The following LRIG2 variants were observed in gnomAD, a reference collection of about 807,000 sequenced individuals.
LRIG2 encodes the protein leucine rich repeats and immunoglobulin like domains 2, also known as leucine-rich repeats and immunoglobulin-like domains protein 2.
Under a neutral mutation model 107.8 loss-of-function variants are expected in LRIG2, and 93 were observed. The ratio of observed to expected loss-of-function variants is 0.86; its 90% CI spans 0.73 to 1.03. LRIG2 has a LOEUF of 1.03. LRIG2 is among the 50% of genes least tolerant of loss of function. The pLI is 0.00. For missense variants in LRIG2, 1,226 were observed against 1,296.0 expected (o/e 0.95, Z 0.83); for synonymous variants, 471 against 470.6 (o/e 1.00, Z -0.01).
intron 1 of LRIG2, among the ~76,000 whole-genome samples, chr1:113,077,222 G>A (rs1403498968): frequency 1.3e-5 from 2 of 151,156 alleles, no homozygotes; most frequent in Non-Finnish European, 2.9e-5. Flanking sequence ...TCGGCTCACT[G>A]CAACCTCTGT....
At chr1:113,091,426 G>A in intron 2 of LRIG2, 43 bp downstream of exon 2, 1 of 1,263,894 alleles carries the variant, frequency 7.9e-7, no homozygotes, top group Non-Finnish European at 1.1e-6. Flanking sequence ...AAATTCCTGA[G>A]GGAACTTAAT....
rs138597067 is a variant in LRIG2 at position 113,100,578 on chromosome 1, C to A, written c.1313+90C>A. The A allele has an allele frequency of 1.3e-4, 90 of 711,938 alleles. No individual in the cohort carries two copies. The African/African-American group carries it at 1.4e-3, about 11-fold the overall frequency. 44.1% of individuals were successfully genotyped at this position (711,938 alleles called of 1,614,324 possible). ...GTGATGGGAGTGACCCAAGTTATTT[C>A]CAAAAGCACACAGTTCAGGCAGGAA... On this transcript the variant is annotated intron_variant, in intron 11 of 17. Transcript: ENST00000361127.
chr1:113,119,146 A>G (rs1655135092), intron 16 of LRIG2, 87 bp from the exon 17 acceptor site: 2 of 1,268,506 alleles, frequency 1.6e-6, no homozygotes, highest in Non-Finnish European at 2.2e-6. Context: ...GCTAGCAATG[A>G]TGATGACAAC....
rs1260781707 is a variant in LRIG2 at position 113,112,833 on chromosome 1, GAAAAATAA to G, written c.2080+74_2080+81del. The G allele has an allele frequency of 2.6e-5, 36 of 1,403,710 alleles. No individual in the cohort carries two copies. In the African/African-American group the frequency reaches 4.6e-4, roughly 18 times the overall value. 87.0% of individuals were successfully genotyped at this position (1,403,710 alleles called of 1,614,324 possible). On this transcript the variant is annotated intron_variant, in intron 14 of 17. Coordinates refer to ENST00000361127, the MANE Select transcript of LRIG2 (RefSeq NM_014813.3). ...AGCTACTCTTGGTCTTAATGAGCAAGAAAAATAAGTTTGAGATTACCTCTGTGATTCTT... is the reference window on the plus strand; with the variant it reads ...AGCTACTCTTGGTCTTAATGAGCAAGGTTTGAGATTACCTCTGTGATTCTT...
chr1:113,077,269 C>G (rs1013930062), intron 1 of LRIG2, among the ~76,000 whole-genome samples: 1 of 151,886 alleles, frequency 6.6e-6, no homozygotes, highest in Admixed American at 6.6e-5. Context: ...CTCAGCTTCC[C>G]GAGTAGGGAT....
chr1:113,093,579 T>G lies in LRIG2; in HGVS notation c.515+15T>G, dbSNP rs1227474819. ...CTTAAATACCTGTAAGTAACACAGATTAAATTAGATTTACTTTAAAGCACA... is the reference window on the plus strand; with the variant it reads ...CTTAAATACCTGTAAGTAACACAGAGTAAATTAGATTTACTTTAAAGCACA... On this transcript the variant is annotated intron_variant, in intron 4 of 17. Transcript: ENST00000361127. 1 of 1,530,238 alleles carries G rather than the reference T, an allele frequency of 6.5e-7. No individual in the cohort carries two copies. Among genetic ancestry groups the G allele is most frequent in the Non-Finnish European group, 8.8e-7 (1 of 1,130,268 alleles). 94.8% of individuals were successfully genotyped at this position (1,530,238 alleles called of 1,614,324 possible).
chr1:113,129,681 T>TA lies in LRIG2; in HGVS notation c.*5582dup, dbSNP rs1655634036. 1 of 152,230 alleles carries TA rather than the reference T, an allele frequency of 6.6e-6. No individual in the cohort carries two copies. The allele number at this position is 152,230 out of a possible 1,614,324, so 9.4% of individuals were successfully genotyped here. A position where few individuals can be genotyped will look rare whatever the true frequency, so the allele number is the denominator to read the frequency against. Reference sequence around the variant, plus strand: ...CAGCAGAATCATGTCTGCCTAATGCTAATCAGGAATGTTGCAAACTGAAAT... The same window carrying TA: ...CAGCAGAATCATGTCTGCCTAATGCTAAATCAGGAATGTTGCAAACTGAAAT... On this transcript the variant is annotated 3_prime_UTR_variant, in exon 18 of 18. Coordinates refer to ENST00000361127, the MANE Select transcript of LRIG2 (RefSeq NM_014813.3).
Position 113,073,297 on chromosome 1 carries a change from C to G in LRIG2, c.-110C>G, listed in dbSNP as rs1386562298. On this transcript the variant is annotated 5_prime_UTR_variant, in exon 1 of 18. Coordinates refer to ENST00000361127, the MANE Select transcript of LRIG2 (RefSeq NM_014813.3). The stretch of plus-strand genomic sequence containing the variant: ...GCCTTTAGATGGTACAGCCTTCAGC[C>G]GGGGCTTCGGGAGACAGTGCAGCCA... The G allele has an allele frequency of 1.0e-5, 9 of 892,938 alleles. No individual in the cohort carries two copies. The highest frequency in any genetic ancestry group is 2.7e-4 in the Middle Eastern group (1 of 3,768). The allele number at this position is 892,938 out of a possible 1,614,324, so 55.3% of individuals were successfully genotyped here.
At position 113,093,615 on chromosome 1, in the gene LRIG2, G is replaced by A. The variant is rs751475861; in HGVS notation, c.515+51G>A. ...TTACTTTAAAGCACATGTTTATGGG[G>A]ACTGTTGTGGGGTGGGGGGAGGGGG... On this transcript the variant is annotated intron_variant, in intron 4 of 17. Coordinates refer to ENST00000361127, the MANE Select transcript of LRIG2 (RefSeq NM_014813.3). 3 of 516,212 alleles carry A rather than the reference G, an allele frequency of 5.8e-6. No homozygotes were observed. In the South Asian group the frequency reaches 6.6e-5, roughly 11 times the overall value. The allele number at this position is 516,212 out of a possible 1,614,324, so 32.0% of individuals were successfully genotyped here.
intron 17 of LRIG2, among the ~76,000 whole-genome samples, chr1:113,121,579 T>TA (rs1199136308): frequency 3.2e-4 from 48 of 151,854 alleles, no homozygotes; most frequent in African/African-American, 9.7e-4. Context: ...CCATCTCTTC[T>TA]AAAAAAATTA....
intron 11 of LRIG2, among the ~76,000 whole-genome samples, chr1:113,101,406 CAG>C (rs202162218): frequency 0.011 from 1,710 of 152,278 alleles, 13 homozygotes; most frequent in Non-Finnish European, 0.016. Context: ...AATATGCAGT[CAG>C]GGGTAAGAAC....
chr1:113,112,123 T>A (rs1166159443), intron 13 of LRIG2, among the ~76,000 whole-genome samples: 2 of 151,942 alleles, frequency 1.3e-5, no homozygotes, highest in African/African-American at 4.8e-5. Flanking sequence ...AGAAAAGATG[T>A]TCTCAAAACC....
At position 113,114,911 on chromosome 1, in the gene LRIG2, C is replaced by T. The variant is rs777045897; in HGVS notation, c.2530+35C>T. 2.7e-6 allele frequency: 4 copies of T among 1,501,958 alleles called. No homozygotes were observed. The Admixed American group carries it at 5.4e-5, about 20-fold the overall frequency. 93.0% of individuals were successfully genotyped at this position (1,501,958 alleles called of 1,614,324 possible). ...ACCCACATGACACCTATGGCTTGTACTTCAGTCAAGAATGTAGTATAGGAT... is the reference window on the plus strand; with the variant it reads ...ACCCACATGACACCTATGGCTTGTATTTCAGTCAAGAATGTAGTATAGGAT... On this transcript the variant is annotated intron_variant, in intron 15 of 17. Transcript: ENST00000361127.
At position 113,110,670 on chromosome 1, in the gene LRIG2, T is replaced by TA. The variant is rs1306456796; in HGVS notation, c.1798+109dup. ...AAATCTGACATTTAAGTAGGACTCT[T>TA]ACTGTTATTGTCTTTTGAGTTGTGA... is the stretch of plus-strand genomic sequence containing the variant. On this transcript the variant is annotated intron_variant, in intron 13 of 17. Transcript: ENST00000361127. 13 of 805,682 alleles carry TA rather than the reference T, an allele frequency of 1.6e-5. No individual in the cohort carries two copies. The African/African-American group carries it at 1.9e-4, about 12-fold the overall frequency. The allele number at this position is 805,682 out of a possible 1,614,324, so 49.9% of individuals were successfully genotyped here. A position where few individuals can be genotyped will look rare whatever the true frequency, so the allele number is the denominator to read the frequency against.
At position 113,095,879 on chromosome 1, in the gene LRIG2, TG is replaced by T. The variant is rs748179351; in HGVS notation, c.811del (p.Glu271AsnfsTer8). Reference protein sequence around the residue: ...FGLNNMEELELEHNNLTRVNK... With the variant: ...FGLNNMEELEXEHNNLTRVNK... Reference sequence around the variant, plus strand: ...CTCTTTCTCTAATTCTGCAGAGAACTGGAACACAACAACCTTACACGAGTAA... The same window carrying T: ...CTCTTTCTCTAATTCTGCAGAGAACTGAACACAACAACCTTACACGAGTAA... On this transcript the variant is annotated frameshift_variant, in exon 7 of 18. Coordinates refer to ENST00000361127, the MANE Select transcript of LRIG2 (RefSeq NM_014813.3). LOFTEE classifies it high-confidence loss of function. The T allele has an allele frequency of 6.2e-7, 1 of 1,614,238 alleles. No individual in the cohort carries two copies. Among genetic ancestry groups the T allele is most frequent in the Admixed American group, 1.7e-5 (1 of 60,024 alleles).
In LRIG2 at chr1:113,129,763, T is replaced by C. The variant is rs1655637211; in HGVS notation, c.*5662T>C. The stretch of plus-strand genomic sequence containing the variant: ...TTTCAGGAGGAATACATACATTCTC[T>C]TGATTTGTTTGTCCCCTTTCAGGCT... On this transcript the variant is annotated 3_prime_UTR_variant, in exon 18 of 18. Transcript: ENST00000361127. 1.3e-5 allele frequency: 2 copies of C among 152,170 alleles called. No homozygotes were observed. The highest frequency in any genetic ancestry group is 1.3e-4 in the Admixed American group (2 of 15,270). The allele number at this position is 152,170 out of a possible 1,614,324, so 9.4% of individuals were successfully genotyped here.
chr1:113,104,257 A>T (rs1654437768), intron 11 of LRIG2, among the ~76,000 whole-genome samples: 1 of 151,902 alleles, frequency 6.6e-6, no homozygotes, highest in African/African-American at 2.4e-5. Context: ...TACATCCTCC[A>T]TCCATCTGTC....
Position 113,116,332 on chromosome 1 carries a change from A to G in LRIG2, c.2576A>G (p.Gln859Arg), listed in dbSNP as rs761927526. ...PADIPSYLSSQGTLSEPQEGY... is the reference protein window; with the variant it reads ...PADIPSYLSSRGTLSEPQEGY... Reference sequence around the variant, plus strand: ...GACATTCCCAGCTACTTGTCTTCCCAAGGAACGCTGTCTGAGCCACAGGAA... The same window carrying G: ...GACATTCCCAGCTACTTGTCTTCCCGAGGAACGCTGTCTGAGCCACAGGAA... The change falls in exon 16 of 18, where the codon CAA becomes CGA. Residue 859 changes from glutamine (Q) to arginine (R), a missense_variant. Physicochemically the swap from Gln to Arg is conservative, Grantham distance 43. Around this residue, in one of 3 missense-constraint regions of LRIG2, gnomAD observed 642 missense variants for 712.2 expected, o/e 0.90. Coordinates refer to ENST00000361127, the MANE Select transcript of LRIG2 (RefSeq NM_014813.3). 6.2e-7 allele frequency: 1 copy of G among 1,613,988 alleles called. No individual in the cohort carries two copies. The highest frequency in any genetic ancestry group is 2.2e-5 in the East Asian group (1 of 44,868).
Position 113,127,273 on chromosome 1 carries a change from G to A in LRIG2, c.*3172G>A, listed in dbSNP as rs35737003. The A allele has an allele frequency of 0.11, 17,479 of 152,056 alleles. 1,110 individuals are homozygous for A. The highest frequency in any genetic ancestry group is 0.17 in the Admixed American group (2,545 of 15,258). The allele number at this position is 152,056 out of a possible 1,614,324, so 9.4% of individuals were successfully genotyped here. ...CCCTCTCGGTCACCCAGGCTGGAGC[G>A]CAGTGGCATGATCTTGGCTTACTGC... On this transcript the variant is annotated 3_prime_UTR_variant, in exon 18 of 18. Transcript: ENST00000361127.
Sources: gnomAD v4.1 joint callset for allele counts (sites outside exome capture counted in the v4.1 genomes callset) on GRCh38, gnomAD v4.1.1 for gene constraint, gnomAD v4.1.1 regional missense constraint, MANE v1.5 for transcripts, NCBI Gene and HGNC (gene_info 2026-07-23, HGNC 2026-07-21) for gene names.